The following TAF1A variants were observed in gnomAD, a reference collection of about 807,000 sequenced individuals.
TAF1A encodes TATA box-binding protein-associated factor RNA polymerase I subunit A.
TAF1A carries 42 observed loss-of-function variants against 61.6 expected under a neutral mutation model. The ratio of observed to expected loss-of-function variants is 0.68; its 90% CI spans 0.53 to 0.88. The LOEUF (loss-of-function observed/expected upper bound fraction) is 0.88. Ranked by LOEUF, TAF1A falls within the 40% of genes least tolerant of loss-of-function variation. The pLI, the probability that TAF1A is intolerant of heterozygous loss-of-function variation, is 0.00. For missense variants in TAF1A, 424 were observed against 518.7 expected (o/e 0.82, Z 1.77); for synonymous variants, 179 against 177.7 (o/e 1.01, Z -0.06).
At chr1:222,560,635 C>T (rs1259305869) in intron 10 of TAF1A, among the ~76,000 whole-genome samples, 18 of 152,192 alleles carry the variant, frequency 1.2e-4, no homozygotes, top group Admixed American at 1.2e-3. Flanking sequence ...ATTACATTCA[C>T]TGAGACTACT....
chr1:222,569,551 T>C lies in TAF1A; in HGVS notation c.853A>G (p.Arg285Gly), dbSNP rs1660261794. The change falls in exon 7 of 11, where the codon AGA (arginine) becomes GGA (glycine). Residue 285 changes from arginine to glycine, a missense_variant. Physicochemically the swap from Arg to Gly is moderately radical, Grantham distance 125. Coordinates refer to ENST00000352967, the MANE Select transcript of TAF1A (RefSeq NM_005681.4). ...AHIYLYNFLK[R>G]QKAPRSKLIS... ...AATTTTGATCTTGGTGCCTTCTGTC[T>C]CTTTAGAAAGTTGTATAAGTAGATA... 1.6e-5 allele frequency: 26 copies of C among 1,614,088 alleles called. No homozygotes were observed. The East Asian group carries it at 5.8e-4, about 36-fold the overall frequency.
In TAF1A at chr1:222,564,047, T is replaced by C; in HGVS notation, c.961+12A>G. The C allele has an allele frequency of 6.7e-7, 1 of 1,492,648 alleles. No individual in the cohort carries two copies. The allele number at this position is 1,492,648 out of a possible 1,614,324, so 92.5% of individuals were successfully genotyped here. A position where few individuals can be genotyped will look rare whatever the true frequency, so the allele number is the denominator to read the frequency against. On this transcript the variant is annotated intron_variant, in intron 8 of 10. Coordinates refer to ENST00000352967, the MANE Select transcript of TAF1A (RefSeq NM_005681.4). The stretch of plus-strand genomic sequence containing the variant: ...TGTCTACACAAGGTATAAAACAACA[T>C]TTATTTATTACCTGATTTTCTAAGT...
chr1:222,574,811 G>A (rs758781123), intron 5 of TAF1A, among the ~76,000 whole-genome samples: 8 of 152,118 alleles, frequency 5.3e-5, no homozygotes, highest in Non-Finnish European at 1.2e-4. Context: ...TACATGAGTG[G>A]AAAGAGTATA....
chr1:222,576,677 T>G (rs1466945576), intron 5 of TAF1A, among the ~76,000 whole-genome samples: 1 of 152,182 alleles, frequency 6.6e-6, no homozygotes, highest in African/African-American at 2.4e-5. Flanking sequence ...CATTATAACC[T>G]TTACACAAAA....
Position 222,558,508 on chromosome 1 carries a change from T to C in TAF1A, c.*152A>G. ...AGCAAAGGCAGTAATATTGTTTCTC[T>C]AGCTATAAATAATACAAAAATATAA... is the stretch of plus-strand genomic sequence containing the variant. On this transcript the variant is annotated 3_prime_UTR_variant, in exon 11 of 11. Coordinates refer to ENST00000352967, the MANE Select transcript of TAF1A (RefSeq NM_005681.4). The C allele has an allele frequency of 3.2e-6, 1 of 312,044 alleles. No homozygotes were observed. Among genetic ancestry groups the C allele is most frequent in the Non-Finnish European group, 5.8e-6 (1 of 172,970 alleles). 19.3% of individuals were successfully genotyped at this position (312,044 alleles called of 1,614,324 possible).
At chr1:222,568,445 A>C (rs1660209130) in intron 7 of TAF1A, among the ~76,000 whole-genome samples, 1 of 151,230 alleles carries the variant, frequency 6.6e-6, no homozygotes. Context: ...TGATCCCCCC[A>C]AAAATAGACT....
chr1:222,580,979 C>A (rs1042602382), intron 3 of TAF1A, among the ~76,000 whole-genome samples: 1 of 151,988 alleles, frequency 6.6e-6, no homozygotes, highest in Non-Finnish European at 1.5e-5. Flanking sequence ...GGTGAAACCC[C>A]GTCTCTACTA....
chr1:222,567,453 T>C (rs1363344961), intron 7 of TAF1A, among the ~76,000 whole-genome samples: 2 of 152,212 alleles, frequency 1.3e-5, no homozygotes, highest in Non-Finnish European at 1.5e-5. Context: ...AATGGTAACA[T>C]TTATTTTTGT....
At chr1:222,555,102 A>T (rs575993519), downstream of TAF1A, among the ~76,000 whole-genome samples, 1 of 152,340 alleles carries the variant, frequency 6.6e-6, no homozygotes, top group East Asian at 1.9e-4. Flanking sequence ...ATACAGCCTC[A>T]CACCTGGTAG....
At chr1:222,572,386 C>CT (rs1660395612) in intron 5 of TAF1A, among the ~76,000 whole-genome samples, 1 of 152,126 alleles carries the variant, frequency 6.6e-6, no homozygotes. Flanking sequence ...CAGGGCCTTA[C>CT]TTTGTCTCCC....
chr1:222,582,074 T>C (rs898845745), intron 3 of TAF1A, among the ~76,000 whole-genome samples: 3 of 152,244 alleles, frequency 2.0e-5, no homozygotes, highest in Non-Finnish European at 4.4e-5. Context: ...AAACAAAATT[T>C]GTATACATTG....
chr1:222,588,415 A>C (rs201031189), intron 2 of TAF1A, 28 bp downstream of exon 2: 63 of 1,603,220 alleles, frequency 3.9e-5, no homozygotes, highest in East Asian at 9.0e-5. Context: ...TTAAAGTTAA[A>C]ATGGCTCAAT....
Position 222,558,673 on chromosome 1 carries a change from T to C in TAF1A, c.1340A>G (p.Asn447Ser). ...KRSVKKYSIV[N>S]PRL ...TAAAATTCAGTATCAGAGTCTTGGA[T>C]TTACAATACTGTATTTTTTCACAGA... The change falls in exon 11 of 11, where the codon AAT (asparagine) becomes AGT (serine). Residue 447 changes from asparagine (N) to serine (S), a missense_variant. By Grantham distance (46) the Asn-to-Ser change is conservative. Transcript: ENST00000352967. 1 of 1,544,914 alleles carries C rather than the reference T, an allele frequency of 6.5e-7. No individual in the cohort carries two copies. The highest frequency in any genetic ancestry group is 8.8e-7 in the Non-Finnish European group (1 of 1,140,386).
chr1:222,584,106 A>G, intron 3 of TAF1A, 22 bp downstream of exon 3: 2 of 1,601,740 alleles, frequency 1.2e-6, no homozygotes, highest in African/African-American at 1.3e-5. Context: ...CATTTCTTCC[A>G]GCAAACTCAA....
At chr1:222,558,115 C>T (rs1659775309), downstream of TAF1A, 1 of 151,968 alleles carries the variant, frequency 6.6e-6, no homozygotes, top group Non-Finnish European at 1.5e-5. Flanking sequence ...AACTCCTGAC[C>T]TCATGATCCA....
intron 1 of TAF1A, among the ~76,000 whole-genome samples, chr1:222,589,440 T>A (rs1253802024): frequency 6.6e-6 from 1 of 152,216 alleles, no homozygotes; most frequent in Non-Finnish European, 1.5e-5. Context: ...ATTCAAAGCA[T>A]GTGGCTAGGA....
rs545186240 is a variant in TAF1A, at chr1:222,558,612, A to G, written c.*48T>C. On this transcript the variant is annotated 3_prime_UTR_variant, in exon 11 of 11. Transcript: ENST00000352967. Reference sequence around the variant, plus strand: ...TAAATACATTCAATAACTATCTACCAAGCTACTTACTGTGTAGCTACAACT... The same window carrying G: ...TAAATACATTCAATAACTATCTACCGAGCTACTTACTGTGTAGCTACAACT... 3.1e-6 allele frequency: 3 copies of G among 963,762 alleles called. No homozygotes were observed. Among genetic ancestry groups the G allele is most frequent in the Non-Finnish European group, 4.5e-6 (3 of 669,836 alleles). The allele number at this position is 963,762 out of a possible 1,614,324, so 59.7% of individuals were successfully genotyped here.
At chr1:222,588,935 T>C (rs542543045) in intron 1 of TAF1A, among the ~76,000 whole-genome samples, 1 of 152,356 alleles carries the variant, frequency 6.6e-6, no homozygotes, top group South Asian at 2.1e-4. Context: ...TACTATGCAC[T>C]AGAAGTATAA....
intron 7 of TAF1A, among the ~76,000 whole-genome samples, chr1:222,568,492 G>A (rs557527795): frequency 1.2e-3 from 185 of 148,546 alleles, no homozygotes; most frequent in African/African-American, 4.2e-3. Context: ...GATACAGGAT[G>A]GCCAATAGAC....
Sources: gnomAD v4.1 joint callset for allele counts (sites outside exome capture counted in the v4.1 genomes callset) on GRCh38, gnomAD v4.1.1 for gene constraint, MANE v1.5 for transcripts, NCBI Gene and HGNC (gene_info 2026-07-23, HGNC 2026-07-21) for gene names.